UBAC2: variants seen among roughly 807,000 people sequenced by gnomAD.
UBAC2 encodes ubiquitin-associated domain-containing protein 2.
UBAC2 carries 26 observed loss-of-function variants against 44.0 expected under a neutral mutation model. That is an observed-to-expected ratio of 0.59 (90% CI 0.43 to 0.82). UBAC2 has a LOEUF of 0.82. Ranked by LOEUF, UBAC2 falls within the 40% of genes least tolerant of loss-of-function variation. The pLI, the probability that UBAC2 is intolerant of heterozygous loss-of-function variation, is 0.00. For synonymous variants in UBAC2, 155 were observed against 154.3 expected (o/e 1.00, Z -0.04); for missense variants, 329 against 419.4 (o/e 0.78, Z 1.88).
At chr13:99,216,311 G>T (rs1050267551) in intron 1 of UBAC2, among the ~76,000 whole-genome samples, 2 of 152,066 alleles carry the variant, frequency 1.3e-5, no homozygotes, top group African/African-American at 4.8e-5. Flanking sequence ...CACCATGTTG[G>T]CCAGGCTGGT....
chr13:99,339,532 A>G (rs2044852154), intron 6 of UBAC2, among the ~76,000 whole-genome samples: 2 of 152,330 alleles, frequency 1.3e-5, no homozygotes, highest in South Asian at 4.1e-4. Flanking sequence ...CAATTCATCA[A>G]TTTAAATTTT....
chr13:99,262,740 A>AAAAAAAG (rs1436059757), intron 4 of UBAC2, among the ~76,000 whole-genome samples: 5 of 141,468 alleles, frequency 3.5e-5, no homozygotes, highest in African/African-American at 1.1e-4. Context: ...AAAAAAAAAA[A>AAAAAAAG]GGACTTGTGG....
Position 99,295,693 on chromosome 13 carries a change from C to A in UBAC2, c.390-18404C>A, listed in dbSNP as rs1348505334. The A allele has an allele frequency of 3.1e-6, 5 of 1,614,028 alleles. No homozygotes were observed. The highest frequency in any genetic ancestry group is 1.1e-5 in the South Asian group (1 of 91,084). On this transcript the variant is annotated intron_variant, in intron 4 of 8. Transcript: ENST00000403766. The surrounding 1 kb of genome is among the most constrained non-coding windows in gnomAD (Gnocchi z 4.1). ...ATACTAGAATCCAGACAAATATGCACACGCCTTTTGCATGTTCAATCCTTT... is the reference window on the plus strand; with the variant it reads ...ATACTAGAATCCAGACAAATATGCAAACGCCTTTTGCATGTTCAATCCTTT...
intron 4 of UBAC2, chr13:99,258,298 TC>T (rs1415540502): frequency 6.6e-6 from 1 of 152,258 alleles, no homozygotes; most frequent in Non-Finnish European, 1.5e-5. Flanking sequence ...TGTTTTAGAC[TC>T]TTTTGTTGCT....
At chr13:99,301,662 C>G (rs766851327) in intron 4 of UBAC2, among the ~76,000 whole-genome samples, 8 of 151,976 alleles carry the variant, frequency 5.3e-5, no homozygotes, top group Non-Finnish European at 8.8e-5. Flanking sequence ...AATAAAAGGC[C>G]CCCCAAAACT....
chr13:99,385,556 T>C lies in UBAC2; in HGVS notation c.*221T>C, dbSNP rs1007673077. ...ATGTATTTTCTATCTATATTTTTTA[T>C]TGGGCATTTTCCCTAGGTTGGAGAG... On this transcript the variant is annotated 3_prime_UTR_variant, in exon 9 of 9. Transcript: ENST00000403766. 4.1e-5 allele frequency: 21 copies of C among 511,710 alleles called. No homozygotes were observed. Among genetic ancestry groups the C allele is most frequent in the Admixed American group, 1.6e-4 (5 of 31,376 alleles). 31.7% of individuals were successfully genotyped at this position (511,710 alleles called of 1,614,324 possible).
At chr13:99,210,613 G>GA (rs1442467639) in intron 1 of UBAC2, among the ~76,000 whole-genome samples, 1 of 151,922 alleles carries the variant, frequency 6.6e-6, no homozygotes, top group Non-Finnish European at 1.5e-5. Flanking sequence ...GAGTAGCTGG[G>GA]ATTATAGGCA....
At chr13:99,246,777 C>A (rs533956387) in intron 4 of UBAC2, among the ~76,000 whole-genome samples, 1 of 152,134 alleles carries the variant, frequency 6.6e-6, no homozygotes, top group African/African-American at 2.4e-5. Flanking sequence ...GAGTTACAAA[C>A]TTGAATAAAT....
chr13:99,269,016 G>A (rs2043782711), intron 4 of UBAC2, among the ~76,000 whole-genome samples: 5 of 152,174 alleles, frequency 3.3e-5, no homozygotes, highest in Admixed American at 3.3e-4. Flanking sequence ...AAGACCACGG[G>A]GACATGCTAC....
intron 4 of UBAC2, among the ~76,000 whole-genome samples, chr13:99,259,318 T>C (rs1425274905): frequency 6.6e-6 from 1 of 152,014 alleles, no homozygotes; most frequent in Non-Finnish European, 1.5e-5. Context: ...TTTGTTTTTT[T>C]GAATTTTAGA....
intron 4 of UBAC2, among the ~76,000 whole-genome samples, chr13:99,282,907 A>G (rs1266176130): frequency 9.2e-5 from 14 of 152,252 alleles, no homozygotes; most frequent in Non-Finnish European, 2.1e-4. Context: ...GAGTTCTGAA[A>G]TATCTAATGT....
At chr13:99,254,266 A>T (rs1466761259) in intron 4 of UBAC2, among the ~76,000 whole-genome samples, 5 of 152,218 alleles carry the variant, frequency 3.3e-5, no homozygotes, top group African/African-American at 1.2e-4. Context: ...TTAGATTTTC[A>T]TCATTAGTCC....
At chr13:99,372,956 A>C (rs2045428066) in intron 8 of UBAC2, among the ~76,000 whole-genome samples, 1 of 152,006 alleles carries the variant, frequency 6.6e-6, no homozygotes, top group Non-Finnish European at 1.5e-5. Context: ...CTACTAAAAA[A>C]TAAAAAAATA....
chr13:99,295,780 C>T lies in UBAC2; in HGVS notation c.390-18317C>T. The stretch of plus-strand genomic sequence containing the variant: ...TGAAGCGGTCAATACTCAGGCAGGT[C>T]ATAAAGTTCACACCTGCATATGTGT... On this transcript the variant is annotated intron_variant, in intron 4 of 8. Transcript: ENST00000403766. The surrounding 1 kb of genome is among the most constrained non-coding windows in gnomAD (Gnocchi z 4.1). 1 of 1,613,818 alleles carries T rather than the reference C, an allele frequency of 6.2e-7. No homozygotes were observed. Among genetic ancestry groups the T allele is most frequent in the South Asian group, 1.1e-5 (1 of 91,058 alleles).
intron 1 of UBAC2, among the ~76,000 whole-genome samples, chr13:99,202,056 A>C (rs375174547): frequency 6.7e-6 from 1 of 148,738 alleles, no homozygotes; most frequent in Non-Finnish European, 1.5e-5. Flanking sequence ...CTGGGCGACA[A>C]AGCGAGACTC....
intron 7 of UBAC2, chr13:99,351,912 G>A (rs1214704119): frequency 1.1e-5 from 4 of 373,988 alleles, no homozygotes; most frequent in Non-Finnish European, 2.1e-5. Context: ...CACCCAGAGT[G>A]GCTCAGCGAT....
intron 6 of UBAC2, among the ~76,000 whole-genome samples, chr13:99,333,732 A>G (rs1266050209): frequency 1.3e-5 from 2 of 152,158 alleles, no homozygotes; most frequent in Non-Finnish European, 2.9e-5. Context: ...CTGAAATTGA[A>G]TACATAGTTT....
In UBAC2 at chr13:99,262,060, G is replaced by C. The variant is rs377080324; in HGVS notation, c.389+17436G>C. ...TCACTGTCCCGCTCCTTCCTCCCCA[G>C]GACATGAGTCCTCCCTTTGCCCAGT... On this transcript the variant is annotated intron_variant, in intron 4 of 8. Coordinates refer to ENST00000403766, the MANE Select transcript of UBAC2 (RefSeq NM_001144072.2). 1.4e-3 allele frequency among the ~76,000 whole-genome samples: 209 copies of C among 152,286 alleles called. 2 individuals are homozygous for C. The highest frequency in any genetic ancestry group is 4.9e-3 in the African/African-American group (204 of 41,566).
intron 1 of UBAC2, among the ~76,000 whole-genome samples, chr13:99,228,178 C>T (rs1184544433): frequency 6.6e-6 from 1 of 152,158 alleles, no homozygotes; most frequent in African/African-American, 2.4e-5. Context: ...CTTACATCAC[C>T]CCTGCTCCAT....
Sources: gnomAD v4.1 joint callset for allele counts (sites outside exome capture counted in the v4.1 genomes callset) on GRCh38, gnomAD v4.1.1 for gene constraint, Gnocchi (gnomAD v3.1) non-coding constraint, MANE v1.5 for transcripts, NCBI Gene and HGNC (gene_info 2026-07-23, HGNC 2026-07-21) for gene names.